DPYSL5: variants seen among roughly 807,000 people sequenced by gnomAD.
DPYSL5 encodes the protein dihydropyrimidinase like 5.
In DPYSL5, 9 loss-of-function variants were observed where a neutral mutation model predicts 58.4. The ratio of observed to expected loss-of-function variants is 0.15; its 90% CI spans 0.09 to 0.27. The LOEUF (loss-of-function observed/expected upper bound fraction) is 0.27. Ranked by LOEUF, DPYSL5 falls within the 10% of genes least tolerant of loss-of-function variation. The probability of loss-of-function intolerance (pLI) is 1.00; values close to 1 mark genes in which losing one functional copy is unlikely to be tolerated. For synonymous variants in DPYSL5, 293 were observed against 301.9 expected, an observed-to-expected ratio of 0.97 and a Z score of 0.31; for missense variants, 499 against 770.6, an observed-to-expected ratio of 0.65 and a Z score of 4.17.
At chr2:26,913,703 T>C (rs1664494979) in intron 2 of DPYSL5, among the ~76,000 whole-genome samples, 1 of 152,152 alleles carries the variant, frequency 6.6e-6, no homozygotes, top group Non-Finnish European at 1.5e-5. Flanking sequence ...GAAAGTGTGT[T>C]AAACCCAGGA....
intron 1 of DPYSL5, among the ~76,000 whole-genome samples, chr2:26,895,749 C>G (rs1055060440): frequency 9.3e-5 from 14 of 151,328 alleles, no homozygotes; most frequent in East Asian, 3.9e-4. Flanking sequence ...CACTGATAAC[C>G]ACCATTCTGT....
chr2:26,862,594 AT>A (rs1666041552), intron 1 of DPYSL5, among the ~76,000 whole-genome samples: 1 of 151,840 alleles, frequency 6.6e-6, no homozygotes, highest in Non-Finnish European at 1.5e-5. Context: ...TTTGTTGATT[AT>A]TTTTCTTCTG....
rs76127661 is a variant in DPYSL5 at position 26,868,908 on chromosome 2, T to C, written c.-5+20654T>C. Among the ~76,000 whole-genome samples the C allele has an allele frequency of 3.3e-4, 51 of 152,300 alleles. No homozygotes were observed. The East Asian group carries it at 9.9e-3, about 29-fold the overall frequency. ...CTTCCTGTCTAAGCATATATTTGTT[T>C]CATTCTGCTTGGATCCTATTTTTTA... On this transcript the variant is annotated intron_variant, in intron 1 of 12. Coordinates refer to ENST00000288699, the MANE Select transcript of DPYSL5 (RefSeq NM_020134.4).
chr2:26,873,916 C>A (rs1283560113), intron 1 of DPYSL5, among the ~76,000 whole-genome samples: 2 of 152,182 alleles, frequency 1.3e-5, no homozygotes, highest in African/African-American at 2.4e-5. Context: ...TTAGCCCAGA[C>A]AAATTGACAC....
intron 1 of DPYSL5, among the ~76,000 whole-genome samples, chr2:26,862,963 T>C (rs1036303814): frequency 6.6e-6 from 1 of 152,128 alleles, no homozygotes; most frequent in African/African-American, 2.4e-5. Flanking sequence ...AGGGGACTTG[T>C]TGAGGTGCCC....
intron 2 of DPYSL5, among the ~76,000 whole-genome samples, chr2:26,923,223 T>C (rs749573937): frequency 1.6e-4 from 24 of 152,168 alleles, no homozygotes; most frequent in Non-Finnish European, 2.8e-4. Flanking sequence ...CCCAGCACTT[T>C]GCGAGGCCAA....
At chr2:26,879,009 G>A (rs185018445) in intron 1 of DPYSL5, among the ~76,000 whole-genome samples, 1 of 152,286 alleles carries the variant, frequency 6.6e-6, no homozygotes, top group African/African-American at 2.4e-5. Context: ...GTCTCCTATT[G>A]AAATGTTGGT....
chr2:26,868,423 G>A (rs367655168), intron 1 of DPYSL5, among the ~76,000 whole-genome samples: 1 of 152,092 alleles, frequency 6.6e-6, no homozygotes, highest in African/African-American at 2.4e-5. Context: ...CTCCTTGGTG[G>A]TACGCAGTCT....
chr2:26,850,904 G>T (rs1003451691), intron 1 of DPYSL5, among the ~76,000 whole-genome samples: 2 of 152,126 alleles, frequency 1.3e-5, no homozygotes, highest in Non-Finnish European at 2.9e-5. Flanking sequence ...GGACTAGCTG[G>T]AACATTGCTC....
chr2:26,856,715 T>TAA (rs35245760), intron 1 of DPYSL5, among the ~76,000 whole-genome samples: 14 of 148,442 alleles, frequency 9.4e-5, no homozygotes, highest in South Asian at 4.2e-4. Flanking sequence ...ATGGAGAAAT[T>TAA]AAAAAAAAAA....
rs1172819992 is a variant in DPYSL5, at chr2:26,899,961, G to A, written c.261+1201G>A. On this transcript the variant is annotated intron_variant, in intron 2 of 12. Transcript: ENST00000288699. Reference sequence around the variant, plus strand: ...CATAAATTCAGGATCCTCTTGCAGGGTGCCTGGTGACAGTCGGGACCTTTC... The same window carrying A: ...CATAAATTCAGGATCCTCTTGCAGGATGCCTGGTGACAGTCGGGACCTTTC... Among the ~76,000 whole-genome samples the A allele has an allele frequency of 2.6e-5, 4 of 152,150 alleles. No individual in the cohort carries two copies. The East Asian group carries it at 7.7e-4, about 29-fold the overall frequency.
intron 1 of DPYSL5, among the ~76,000 whole-genome samples, chr2:26,854,314 C>T (rs773337929): frequency 6.6e-6 from 1 of 152,056 alleles, no homozygotes; most frequent in African/African-American, 2.4e-5. Flanking sequence ...CAAAAATTAG[C>T]CAGGCATGGT....
chr2:26,857,746 T>C (rs546988844), intron 1 of DPYSL5, among the ~76,000 whole-genome samples: 22 of 152,346 alleles, frequency 1.4e-4, no homozygotes, highest in African/African-American at 5.0e-4. Context: ...TCTTATTTTC[T>C]GTAGGTTTCT....
chr2:26,904,704 A>C (rs1664245474), intron 2 of DPYSL5, among the ~76,000 whole-genome samples: 1 of 152,164 alleles, frequency 6.6e-6, no homozygotes, highest in South Asian at 2.1e-4. Context: ...GGAGTTTGAG[A>C]GCAGCCTGGG....
intron 5 of DPYSL5, among the ~76,000 whole-genome samples, chr2:26,931,197 G>GTATATA (rs1345488521): frequency 3.0e-4 from 16 of 52,504 alleles, no homozygotes; most frequent in Non-Finnish European, 4.4e-4. Flanking sequence ...GTGTGTGTGT[G>GTATATA]TGTGTGTATA....
At position 26,932,069 on chromosome 2, in the gene DPYSL5, GAAAGAAAGAAAGAAAA is replaced by G. The variant is rs1665010820; in HGVS notation, c.714+386_714+401del. On this transcript the variant is annotated intron_variant, in intron 6 of 12. Transcript: ENST00000288699. ...GAAAGGAAAGAAAGAAAGAAAGAAA[GAAAGAAAGAAAGAAAA>G]GAAAAAAGAAAGAGAAAGAAAGAAA... 8.2e-5 allele frequency among the ~76,000 whole-genome samples: 6 copies of G among 73,142 alleles called. 1 individual carries two copies. Among genetic ancestry groups the G allele is most frequent in the South Asian group, 4.9e-4 (1 of 2,058 alleles). 48.0% of individuals were successfully genotyped at this position (73,142 alleles called of 152,430 possible). A position where few individuals can be genotyped will look rare whatever the true frequency, so the allele number is the denominator to read the frequency against.
intron 8 of DPYSL5, among the ~76,000 whole-genome samples, chr2:26,937,032 C>G (rs767720801): frequency 2.2e-4 from 33 of 148,952 alleles, no homozygotes; most frequent in Middle Eastern, 7.6e-3. Flanking sequence ...TACCAAGACT[C>G]CACTATAATA....
chr2:26,854,866 T>G (rs1022283968), intron 1 of DPYSL5, among the ~76,000 whole-genome samples: 11 of 152,070 alleles, frequency 7.2e-5, no homozygotes, highest in African/African-American at 2.7e-4. Context: ...TCGCCCATGC[T>G]GGAGTTCAGT....
chr2:26,879,523 C>G (rs186101461), intron 1 of DPYSL5, among the ~76,000 whole-genome samples: 1 of 149,202 alleles, frequency 6.7e-6, no homozygotes, highest in African/African-American at 2.5e-5. Context: ...TTTGGAATTA[C>G]GTCTGCTTCT....
Sources: gnomAD v4.1 joint callset for allele counts (sites outside exome capture counted in the v4.1 genomes callset) on GRCh38, gnomAD v4.1.1 for gene constraint, MANE v1.5 for transcripts, NCBI Gene and HGNC (gene_info 2026-07-23, HGNC 2026-07-21) for gene names.